Variants in ACAT1 observed in about 807,000 individuals in gnomAD.
The protein encoded by ACAT1 is acetyl-CoA acetyltransferase, mitochondrial.
ACAT1 carries 28 observed loss-of-function variants against 47.3 expected under a neutral mutation model. The observed-to-expected ratio is 0.59, with a 90% confidence interval of 0.44 to 0.81. The LOEUF is 0.81. Ranked by LOEUF, ACAT1 falls within the 30% of genes least tolerant of loss-of-function variation. ACAT1 has a pLI of 0.00. For synonymous variants in ACAT1, 181 were observed against 173.6 expected (o/e 1.04, Z -0.34); for missense variants, 469 against 524.3 (o/e 0.89, Z 1.03).
At chr11:108,120,344 A>C (rs958084470), upstream of ACAT1, among the ~76,000 whole-genome samples, 4 of 152,056 alleles carry the variant, frequency 2.6e-5, no homozygotes, top group African/African-American at 9.7e-5. Context: ...ATAAAATAAA[A>C]ATTAAAAAAA....
intron 6 of ACAT1, 177 bp downstream of exon 6, chr11:108,139,218 A>G (rs1245629297): frequency 5.1e-6 from 4 of 783,902 alleles, no homozygotes; most frequent in Non-Finnish European, 8.1e-6. Context: ...TCAGTCATTA[A>G]AGAAATTTTC....
chr11:108,147,400 G>A lies in ACAT1; in HGVS notation c.*10G>A, dbSNP rs1348603035. ...AATTCAGAAGCTGTAGACAACCTCT[G>A]CTATTTAAGGAGACAACCCTATGTG... On this transcript the variant is annotated 3_prime_UTR_variant, in exon 12 of 12. Coordinates refer to ENST00000265838, the MANE Select transcript of ACAT1 (RefSeq NM_000019.4). 6.2e-7 allele frequency: 1 copy of A among 1,613,072 alleles called. No individual in the cohort carries two copies. The highest frequency in any genetic ancestry group is 8.5e-7 in the Non-Finnish European group (1 of 1,179,528).
At chr11:108,136,391 C>G (rs1393227247) in intron 5 of ACAT1, 1 of 285,968 alleles carries the variant, frequency 3.5e-6, no homozygotes, top group Non-Finnish European at 6.4e-6. Context: ...AAAGTTGTAC[C>G]AGTTAGACTT....
intron 11 of ACAT1, among the ~76,000 whole-genome samples, chr11:108,146,572 GA>G (rs950497601): frequency 1.5e-4 from 23 of 152,118 alleles, no homozygotes; most frequent in African/African-American, 5.3e-4. Flanking sequence ...TGCTGAAGAA[GA>G]AAAAGTGTAC....
chr11:108,124,356 C>T (rs1022955347), intron 1 of ACAT1, among the ~76,000 whole-genome samples: 1 of 152,150 alleles, frequency 6.6e-6, no homozygotes, highest in African/African-American at 2.4e-5. Flanking sequence ...CTTGGCCTCC[C>T]GGGTTCAAGC....
intron 7 of ACAT1, 55 bp from the exon 8 acceptor site, chr11:108,141,550 C>T (rs1224086757): frequency 2.2e-6 from 3 of 1,363,864 alleles, no homozygotes; most frequent in African/African-American, 1.4e-5. Context: ...ACAACAGTTG[C>T]TTGCTGAATG....
upstream of ACAT1, among the ~76,000 whole-genome samples, chr11:108,120,888 G>C (rs1256142939): frequency 8.2e-6 from 1 of 121,586 alleles, no homozygotes; most frequent in Non-Finnish European, 1.8e-5. Flanking sequence ...GGGAGACCTA[G>C]TCTCTACAAA....
At chr11:108,132,655 C>G (rs2135329090) in intron 2 of ACAT1, among the ~76,000 whole-genome samples, 1 of 150,832 alleles carries the variant, frequency 6.6e-6, no homozygotes, top group Admixed American at 6.6e-5. Context: ...GAGATCGAGA[C>G]CATCCTGGCT....
At position 108,138,701 on chromosome 11, in the gene ACAT1, T is replaced by G. The variant is rs553445249; in HGVS notation, c.436-197T>G. ...TGTGAGCCACTGCACCCAGCCAACT[T>G]ATTTCTCATTATATTATTTAACACC... On this transcript the variant is annotated intron_variant, in intron 5 of 11. Transcript: ENST00000265838. 1.2e-5 allele frequency: 8 copies of G among 650,168 alleles called. No individual in the cohort carries two copies. The African/African-American group carries it at 1.3e-4, about 10-fold the overall frequency. The allele number at this position is 650,168 out of a possible 1,614,324, so 40.3% of individuals were successfully genotyped here.
At chr11:108,125,924 TAAAA>T (rs564125266) in intron 1 of ACAT1, among the ~76,000 whole-genome samples, 2,118 of 124,626 alleles carry the variant, frequency 0.017, 30 homozygotes, top group Non-Finnish European at 0.026. Flanking sequence ...AGACTCCGTC[TAAAA>T]AAAAAAAAAA....
At chr11:108,137,009 C>T (rs1209934873) in intron 5 of ACAT1, 2 of 152,040 alleles carry the variant, frequency 1.3e-5, no homozygotes, top group Non-Finnish European at 2.9e-5. Context: ...ATTTATTAAA[C>T]TTATATATGC....
At chr11:108,132,085 A>G (rs1366144489) in intron 2 of ACAT1, 131 bp downstream of exon 2, 15 of 545,434 alleles carry the variant, frequency 2.8e-5, no homozygotes, top group African/African-American at 3.8e-5. Context: ...ATAGCTAACT[A>G]TTCAAATATT....
chr11:108,127,096 G>A (rs1338968560), intron 1 of ACAT1, among the ~76,000 whole-genome samples: 2 of 151,820 alleles, frequency 1.3e-5, no homozygotes, highest in Non-Finnish European at 2.9e-5. Context: ...GATTACAGGG[G>A]TGAGCCACTG....
At chr11:108,124,479 G>A (rs904620051) in intron 1 of ACAT1, among the ~76,000 whole-genome samples, 2 of 151,914 alleles carry the variant, frequency 1.3e-5, no homozygotes, top group African/African-American at 4.8e-5. Flanking sequence ...GTCAGGATGG[G>A]CTCGAACTCC....
In ACAT1 at chr11:108,138,954, C is replaced by T. The variant is rs2135356062; in HGVS notation, c.492C>T (p.Asn164=). The T allele has an allele frequency of 3.1e-6, 5 of 1,613,994 alleles. No individual in the cohort carries two copies. The South Asian group carries it at 5.5e-5, about 18-fold the overall frequency. The stretch of plus-strand genomic sequence containing the variant: ...TGTCCAATGTTCCATATGTAATGAA[C>T]AGAGGATCAACACCATATGGTGGGG... ...ESMSNVPYVM[N]RGSTPYGGVK... Residue 164 remains asparagine (N), a synonymous_variant, in exon 6 of 12, where the codon AAC becomes AAT. Coordinates refer to ENST00000265838, the MANE Select transcript of ACAT1 (RefSeq NM_000019.4).
upstream of ACAT1, chr11:108,121,312 C>A: frequency 1.8e-6 from 1 of 543,738 alleles, no homozygotes; most frequent in Non-Finnish European, 3.3e-6. Flanking sequence ...ACCACCGGCC[C>A]CGGCAGGTTA....
intron 1 of ACAT1, among the ~76,000 whole-genome samples, chr11:108,123,765 C>T (rs1292955868): frequency 6.6e-6 from 1 of 152,102 alleles, no homozygotes; most frequent in African/African-American, 2.4e-5. Flanking sequence ...GTCTTGAACT[C>T]CTGGCCTGCC....
intron 10 of ACAT1, among the ~76,000 whole-genome samples, chr11:108,145,703 A>G (rs536914321): frequency 6.6e-6 from 1 of 152,092 alleles, no homozygotes; most frequent in Admixed American, 6.5e-5. Flanking sequence ...AAACAGACAT[A>G]ATGCAAACAA....
rs781639992 is a variant in ACAT1, at chr11:108,138,850, T to G, written c.436-48T>G. ...AGCTGTATAAAGGGTGTCATGGGTT[T>G]GCAAAATATTTGTATTAACATTGGG... is the stretch of plus-strand genomic sequence containing the variant. On this transcript the variant is annotated intron_variant, in intron 5 of 11. Coordinates refer to ENST00000265838, the MANE Select transcript of ACAT1 (RefSeq NM_000019.4). 8 of 1,613,180 alleles carry G rather than the reference T, an allele frequency of 5.0e-6. 1 individual carries two copies. In the African/African-American group the frequency reaches 9.3e-5, roughly 19 times the overall value.
Sources: gnomAD v4.1 joint callset for allele counts (sites outside exome capture counted in the v4.1 genomes callset) on GRCh38, gnomAD v4.1.1 for gene constraint, MANE v1.5 for transcripts, NCBI Gene and HGNC (gene_info 2026-07-23, HGNC 2026-07-21) for gene names.